Variants in TNFRSF14 observed in about 807,000 individuals in gnomAD.
TNFRSF14 encodes the protein TNF receptor superfamily member 14, also known as tumor necrosis factor receptor superfamily member 14.
TNFRSF14 carries 18 observed loss-of-function variants against 34.1 expected under a neutral mutation model. The observed-to-expected ratio is 0.53, with a 90% CI of 0.36 to 0.78. The LOEUF (loss-of-function observed/expected upper bound fraction) is 0.78. TNFRSF14 is among the 30% of genes least tolerant of loss of function. The pLI, the probability that TNFRSF14 is intolerant of heterozygous loss-of-function variation, is 0.00. For missense variants in TNFRSF14, 352 were observed against 379.5 expected (o/e 0.93, Z 0.60); for synonymous variants, 157 against 153.2 (o/e 1.02, Z -0.18).
chr1:2,558,201 T>C, intron 2 of TNFRSF14, 142 bp from the exon 3 acceptor site: 1 of 1,268,322 alleles, frequency 7.9e-7, no homozygotes, highest in Non-Finnish European at 1.1e-6. Flanking sequence ...ATGGGGCTGC[T>C]GTGTCCCGTG....
At position 2,561,099 on chromosome 1, in the gene TNFRSF14, T is replaced by C. The variant is rs1488456574; in HGVS notation, c.551+385T>C. On this transcript the variant is annotated intron_variant, in intron 5 of 7. Coordinates refer to ENST00000355716, the MANE Select transcript of TNFRSF14 (RefSeq NM_003820.4). The surrounding 1 kb of genome is among the most constrained non-coding windows in gnomAD (Gnocchi z 6.0). ...GTGAACACTCTGCTCTTTGTCCACCTTCGGGAGGACACCTTCAAATGCTGA... is the reference window on the plus strand; with the variant it reads ...GTGAACACTCTGCTCTTTGTCCACCCTCGGGAGGACACCTTCAAATGCTGA... The C allele has an allele frequency of 6.2e-6, 2 of 322,960 alleles. No homozygotes were observed. Among genetic ancestry groups the C allele is most frequent in the Non-Finnish European group, 1.1e-5 (2 of 175,166 alleles). 20.0% of individuals were successfully genotyped at this position (322,960 alleles called of 1,614,324 possible).
chr1:2,560,064 C>A, intron 4 of TNFRSF14, 86 bp downstream of exon 4: 1 of 1,449,444 alleles, frequency 6.9e-7, no homozygotes, highest in Non-Finnish European at 9.1e-7. Context: ...TCCTCGACGG[C>A]ATGGCCTGCC....
rs1644303974 is a variant in TNFRSF14, at chr1:2,561,243, A to G, written c.552-430A>G. On this transcript the variant is annotated intron_variant, in intron 5 of 7. Coordinates refer to ENST00000355716, the MANE Select transcript of TNFRSF14 (RefSeq NM_003820.4). The surrounding 1 kb of genome is among the most constrained non-coding windows in gnomAD (Gnocchi z 6.0). The stretch of plus-strand genomic sequence containing the variant: ...CAGGGAGGGGGCGGTGGGGCCTTCC[A>G]TCCTGCTCTGCCCTCCTCGTCCTCT... The G allele has an allele frequency of 4.3e-6, 2 of 466,802 alleles. No homozygotes were observed. The highest frequency in any genetic ancestry group is 7.6e-6 in the Non-Finnish European group (2 of 264,462). 28.9% of individuals were successfully genotyped at this position (466,802 alleles called of 1,614,324 possible).
Position 2,556,603 on chromosome 1 carries a change from G to T in TNFRSF14, c.-62G>T, listed in dbSNP as rs1441222792. ...CCCACAGCCGCAGCAATGGCGCTGA[G>T]TTCCTCTGCTGGAGTTCATCCTGCT... On this transcript the variant is annotated 5_prime_UTR_variant, in exon 1 of 8. Coordinates refer to ENST00000355716, the MANE Select transcript of TNFRSF14 (RefSeq NM_003820.4). 1.1e-5 allele frequency: 16 copies of T among 1,510,654 alleles called. No homozygotes were observed. The highest frequency in any genetic ancestry group is 1.5e-5 in the Non-Finnish European group (16 of 1,098,684). The allele number at this position is 1,510,654 out of a possible 1,614,324, so 93.6% of individuals were successfully genotyped here.
chr1:2,559,542 C>A (rs1382554559), intron 3 of TNFRSF14: 1 of 1,513,372 alleles, frequency 6.6e-7, no homozygotes, highest in South Asian at 1.2e-5. Flanking sequence ...AGCTCGGCGT[C>A]CTGCCCATCT....
intron 3 of TNFRSF14, chr1:2,558,767 T>C: frequency 7.8e-7 from 1 of 1,282,568 alleles, no homozygotes; most frequent in Non-Finnish European, 1.0e-6. Context: ...TGCCCAGACC[T>C]CTCCTGTGCC....
chr1:2,559,723 G>C (rs1245669692), intron 3 of TNFRSF14, 100 bp from the exon 4 acceptor site: 3 of 1,537,872 alleles, frequency 2.0e-6, no homozygotes, highest in Non-Finnish European at 2.6e-6. Flanking sequence ...GCCTGGCAGG[G>C]CGCCCTGGCA....
chr1:2,561,490 A>G lies in TNFRSF14; in HGVS notation c.552-183A>G. On this transcript the variant is annotated intron_variant, in intron 5 of 7. Coordinates refer to ENST00000355716, the MANE Select transcript of TNFRSF14 (RefSeq NM_003820.4). This position sits in a 1 kb window ranked among gnomAD's most constrained non-coding sequence, Gnocchi z 6.0. ...CCTCCTTCCTTCTCTCCACCTCCCC[A>G]TAGCCGAGCTTGGAAAAGTCAGACA... The G allele has an allele frequency of 1.3e-6, 2 of 1,523,778 alleles. No individual in the cohort carries two copies. The highest frequency in any genetic ancestry group is 1.8e-6 in the Non-Finnish European group (2 of 1,132,632). The allele number at this position is 1,523,778 out of a possible 1,614,324, so 94.4% of individuals were successfully genotyped here. A position where few individuals can be genotyped will look rare whatever the true frequency, so the allele number is the denominator to read the frequency against.
At position 2,559,831 on chromosome 1, in the gene TNFRSF14, C is replaced by T; in HGVS notation, c.313C>T (p.Leu105=). 1 of 1,607,304 alleles carries T rather than the reference C, an allele frequency of 6.2e-7. No individual in the cohort carries two copies. The highest frequency in any genetic ancestry group is 8.5e-7 in the Non-Finnish European group (1 of 1,177,898). Residue 105 remains leucine (L), a synonymous_variant, in exon 4 of 8, where the codon CTG becomes TTG. Coordinates refer to ENST00000355716, the MANE Select transcript of TNFRSF14 (RefSeq NM_003820.4). The part of the protein sequence containing the change: ...QCQMCDPAMG[L]RASRNCSRTE... The stretch of plus-strand genomic sequence containing the variant: ...CTCCTCTTGGACTCCAGCCATGGGC[C>T]TGCGCGCGAGCCGGAACTGCTCCAG...
chr1:2,562,902 G>C lies in TNFRSF14; in HGVS notation c.726+6G>C. ...AGGTGATCGTCTCCGTCCAGGTATT[G>C]ATCCTCCTCCCCCTCTCCCTCCCCC... On this transcript the variant is annotated splice_donor_region_variant and intron_variant, in intron 7 of 7. Coordinates refer to ENST00000355716, the MANE Select transcript of TNFRSF14 (RefSeq NM_003820.4). 1.9e-6 allele frequency: 3 copies of C among 1,613,648 alleles called. No homozygotes were observed. Among genetic ancestry groups the C allele is most frequent in the Non-Finnish European group, 2.5e-6 (3 of 1,179,790 alleles).
rs1385995808 is a variant in TNFRSF14, at chr1:2,556,887, AC to A, written c.69+159del. 8.0e-4 allele frequency: 571 copies of A among 717,794 alleles called. 4 individuals carry two copies. The highest frequency in any genetic ancestry group is 1.0e-4 in the Non-Finnish European group (45 of 440,316). 44.5% of individuals were successfully genotyped at this position (717,794 alleles called of 1,614,324 possible). A position where few individuals can be genotyped will look rare whatever the true frequency, so the allele number is the denominator to read the frequency against. ...GCCTGGGGCTCTCGGGTCAACCCAG[AC>A]CCCCAGCACTGGGCTCACCACAGTG... On this transcript the variant is annotated intron_variant, in intron 1 of 7. Transcript: ENST00000355716.
intron 6 of TNFRSF14, chr1:2,562,017 G>C: frequency 1.6e-6 from 1 of 632,584 alleles, no homozygotes; most frequent in Non-Finnish European, 2.7e-6. Context: ...GGGAAGGGAA[G>C]GTGGGACCCC....
Position 2,556,545 on chromosome 1 carries a change from C to T in TNFRSF14, c.-120C>T, listed in dbSNP as rs140129485. 1.1e-4 allele frequency: 113 copies of T among 1,033,022 alleles called. No individual in the cohort carries two copies. Among genetic ancestry groups the T allele is most frequent in the Middle Eastern group, 8.0e-4 (4 of 5,016 alleles). 64.0% of individuals were successfully genotyped at this position (1,033,022 alleles called of 1,614,324 possible). On this transcript the variant is annotated 5_prime_UTR_variant, in exon 1 of 8. Transcript: ENST00000355716. Reference sequence around the variant, plus strand: ...TGAGGCACAGCTTGTCACACCGAGGCGGATTCTCTTTCTCTTTCTCTTTCT... The same window carrying T: ...TGAGGCACAGCTTGTCACACCGAGGTGGATTCTCTTTCTCTTTCTCTTTCT...
intron 3 of TNFRSF14, chr1:2,559,325 G>A (rs1445765766): frequency 1.5e-6 from 2 of 1,369,808 alleles, no homozygotes; most frequent in South Asian, 1.2e-5. Context: ...CAGGTGGCAG[G>A]TGAGGCTGCC....
At chr1:2,557,317 G>A (rs1314423342) in intron 1 of TNFRSF14, among the ~76,000 whole-genome samples, 6 of 152,224 alleles carry the variant, frequency 3.9e-5, no homozygotes, top group Non-Finnish European at 8.8e-5. Flanking sequence ...CCACTGTCTG[G>A]CTTGTGAGCC....
In TNFRSF14 at chr1:2,557,956, G is replaced by A. The variant is rs532146215; in HGVS notation, c.178+122G>A. On this transcript the variant is annotated intron_variant, in intron 2 of 7. Coordinates refer to ENST00000355716, the MANE Select transcript of TNFRSF14 (RefSeq NM_003820.4). ...GCCATGGGTGTGATGAAGCCCTGGG[G>A]CTAGGTGTGCAGACAGTGAGGGCAG... 6.7e-5 allele frequency: 57 copies of A among 844,964 alleles called. No homozygotes were observed. In the African/African-American group the frequency reaches 9.3e-4, roughly 14 times the overall value. 52.3% of individuals were successfully genotyped at this position (844,964 alleles called of 1,614,324 possible).
chr1:2,559,403 C>A (rs1403755068), intron 3 of TNFRSF14: 1 of 1,384,248 alleles, frequency 7.2e-7, no homozygotes, highest in Non-Finnish European at 9.5e-7. Context: ...GGGCTCTCAC[C>A]CTACCTGCCT....
chr1:2,561,401 G>C lies in TNFRSF14; in HGVS notation c.552-272G>C. On this transcript the variant is annotated intron_variant, in intron 5 of 7. Coordinates refer to ENST00000355716, the MANE Select transcript of TNFRSF14 (RefSeq NM_003820.4). The surrounding 1 kb of genome is among the most constrained non-coding windows in gnomAD (Gnocchi z 6.0). ...GTCTCTGCACTGCTGGCTGCCTCCC[G>C]CTTCTCTCCCCTCTCCCTCTGCCGT... The C allele has an allele frequency of 2.3e-6, 3 of 1,307,618 alleles. No individual in the cohort carries two copies. Among genetic ancestry groups the C allele is most frequent in the East Asian group, 2.6e-5 (1 of 39,196 alleles). The allele number at this position is 1,307,618 out of a possible 1,614,324, so 81.0% of individuals were successfully genotyped here. A position where few individuals can be genotyped will look rare whatever the true frequency, so the allele number is the denominator to read the frequency against.
upstream of TNFRSF14, chr1:2,556,322 T>A (rs1370350463): frequency 3.3e-6 from 2 of 598,874 alleles, no homozygotes; most frequent in South Asian, 3.0e-5. Flanking sequence ...CGGAGTGGAC[T>A]GGAATGGTGC....
Sources: allele counts gnomAD v4.1 joint callset (sites outside exome capture counted in the v4.1 genomes callset), GRCh38; gene constraint gnomAD v4.1.1; non-coding constraint Gnocchi (gnomAD v3.1); transcripts MANE v1.5; gene names NCBI Gene and HGNC (gene_info 2026-07-23, HGNC 2026-07-21).